PLEKHH2: variants seen among roughly 807,000 people sequenced by gnomAD.
PLEKHH2 encodes pleckstrin homology, MyTH4 and FERM domain containing H2, also known as pleckstrin homology domain-containing family H member 2.
Under a neutral mutation model 187.9 loss-of-function variants are expected in PLEKHH2, and 129 were observed. The ratio of observed to expected loss-of-function variants is 0.69; its 90% confidence interval spans 0.59 to 0.79. The LOEUF (loss-of-function observed/expected upper bound fraction) is 0.79. Ranked by LOEUF, PLEKHH2 falls within the 30% of genes least tolerant of loss-of-function variation. The probability of loss-of-function intolerance (pLI) is 0.00; values close to 1 mark genes in which losing one functional copy is unlikely to be tolerated. For synonymous variants in PLEKHH2, 686 were observed against 605.6 expected (o/e 1.13, Z -1.95); for missense variants, 2,076 against 1,751.2 (o/e 1.19, Z -3.31).
chr2:43,714,978 C>A (rs552023955), intron 15 of PLEKHH2, among the ~76,000 whole-genome samples: 2 of 152,014 alleles, frequency 1.3e-5, no homozygotes, highest in African/African-American at 2.4e-5. Context: ...TAGGAGACAG[C>A]GCGAATGAAG....
chr2:43,660,029 C>A (rs62138788), intron 2 of PLEKHH2, among the ~76,000 whole-genome samples: 12 of 152,052 alleles, frequency 7.9e-5, no homozygotes, highest in Non-Finnish European at 1.5e-4. Flanking sequence ...TTCCCTCCTG[C>A]GCCTTTATAG....
chr2:43,642,419 T>C (rs72790953), intron 1 of PLEKHH2, among the ~76,000 whole-genome samples: 3,010 of 152,280 alleles, frequency 0.02, 59 homozygotes, highest in South Asian at 0.052. Context: ...TAAGTAGAGA[T>C]AGTTTTATTT....
intron 2 of PLEKHH2, among the ~76,000 whole-genome samples, chr2:43,649,693 T>C (rs1666371746): frequency 6.6e-6 from 1 of 152,274 alleles, no homozygotes; most frequent in Admixed American, 6.5e-5. Context: ...CCGTATAGGC[T>C]AATTTAAATG....
intron 2 of PLEKHH2, among the ~76,000 whole-genome samples, chr2:43,668,639 A>G (rs1574502994): frequency 6.6e-6 from 1 of 152,188 alleles, no homozygotes; most frequent in African/African-American, 2.4e-5. Flanking sequence ...GGTTCTCTAA[A>G]GTACAATGAA....
At chr2:43,747,094 C>G (rs76869308) in intron 24 of PLEKHH2, among the ~76,000 whole-genome samples, 4 of 144,032 alleles carry the variant, frequency 2.8e-5, no homozygotes, top group African/African-American at 1.1e-4. Flanking sequence ...TTCTTTCTGT[C>G]TCTCTCTCTC....
intron 15 of PLEKHH2, among the ~76,000 whole-genome samples, chr2:43,713,940 C>G (rs1670089698): frequency 6.6e-6 from 1 of 152,080 alleles, no homozygotes; most frequent in African/African-American, 2.4e-5. Flanking sequence ...ACTTAATTCA[C>G]TATTGCATTA....
intron 25 of PLEKHH2, among the ~76,000 whole-genome samples, chr2:43,756,463 C>T (rs1672214797): frequency 6.6e-6 from 1 of 151,938 alleles, no homozygotes; most frequent in African/African-American, 2.4e-5. Flanking sequence ...CGTCTGTTGC[C>T]TTTTATTTTT....
chr2:43,678,593 G>T (rs906767321), intron 2 of PLEKHH2, among the ~76,000 whole-genome samples: 1 of 152,062 alleles, frequency 6.6e-6, no homozygotes, highest in Non-Finnish European at 1.5e-5. Context: ...GCCTGCAATC[G>T]CAGGCACTCG....
At chr2:43,703,935 T>TGG in intron 8 of PLEKHH2, 46 bp from the exon 9 acceptor site, 1 of 629,878 alleles carries the variant, frequency 1.6e-6, no homozygotes, top group Non-Finnish European at 2.5e-6. Flanking sequence ...TTTTTTTTTT[T>TGG]TTTTTTGCTT....
Position 43,742,811 on chromosome 2 carries a change from G to C in PLEKHH2, c.3292G>C (p.Glu1098Gln). ...AAGAACGCAACAAAATGGTGACAGA[G>C]AAGCAAGACCCTCAAGGATGGAAAT... ...VERTQQNGDR[E>Q]ARPSRMEILS... The change falls in exon 22 of 30, where the codon GAA (glutamate) becomes CAA (glutamine). Residue 1098 changes from glutamate (E) to glutamine (Q), a missense_variant. Physicochemically the swap from Glu to Gln is conservative, Grantham distance 29. Coordinates refer to ENST00000282406, the MANE Select transcript of PLEKHH2 (RefSeq NM_172069.4). 1 of 1,607,040 alleles carries C rather than the reference G, an allele frequency of 6.2e-7. No homozygotes were observed. Among genetic ancestry groups the C allele is most frequent in the South Asian group, 1.1e-5 (1 of 89,552 alleles).
At chr2:43,678,737 A>AGTTGAG in intron 2 of PLEKHH2, 126 bp from the exon 3 acceptor site, 1 of 412,116 alleles carries the variant, frequency 2.4e-6, no homozygotes, top group African/African-American at 2.8e-5. Flanking sequence ...TAGAGGTGGA[A>AGTTGAG]GTGGAGGTGG....
At chr2:43,678,072 G>A (rs560416139) in intron 2 of PLEKHH2, among the ~76,000 whole-genome samples, 1 of 151,252 alleles carries the variant, frequency 6.6e-6, no homozygotes, top group East Asian at 2.0e-4. Flanking sequence ...CTCCCAGACG[G>A]GGTCGCGGCC....
chr2:43,739,740 G>A (rs561434148), intron 20 of PLEKHH2, among the ~76,000 whole-genome samples: 9 of 152,316 alleles, frequency 5.9e-5, no homozygotes, highest in African/African-American at 2.2e-4. Context: ...GACAGTGAAT[G>A]AATAAATTCG....
chr2:43,672,262 T>A (rs1164134785), intron 2 of PLEKHH2, among the ~76,000 whole-genome samples: 1 of 152,238 alleles, frequency 6.6e-6, no homozygotes, highest in Admixed American at 6.5e-5. Context: ...TGTGTCTTTT[T>A]TCTTTTTTGC....
chr2:43,649,357 G>A (rs1327785178), intron 2 of PLEKHH2, among the ~76,000 whole-genome samples: 1 of 152,198 alleles, frequency 6.6e-6, no homozygotes, highest in African/African-American at 2.4e-5. Flanking sequence ...TCGGTGAAAA[G>A]GAAAGGGAGA....
intron 17 of PLEKHH2, among the ~76,000 whole-genome samples, chr2:43,726,821 T>C (rs1433143198): frequency 6.6e-6 from 1 of 152,212 alleles, no homozygotes; most frequent in Non-Finnish European, 1.5e-5. Flanking sequence ...ATTAATTATT[T>C]TATGTATTAT....
At chr2:43,667,582 G>A (rs949028345) in intron 2 of PLEKHH2, among the ~76,000 whole-genome samples, 6 of 152,166 alleles carry the variant, frequency 3.9e-5, no homozygotes, top group Non-Finnish European at 8.8e-5. Flanking sequence ...TGGTATATCC[G>A]TATAGTGGAA....
At chr2:43,648,175 GT>G (rs1210866600) in intron 2 of PLEKHH2, among the ~76,000 whole-genome samples, 5 of 151,792 alleles carry the variant, frequency 3.3e-5, no homozygotes, top group Middle Eastern at 3.4e-3. Flanking sequence ...TGTCTTTCTG[GT>G]TTTTTTTGTT....
chr2:43,755,152 C>T (rs999729708), intron 25 of PLEKHH2, among the ~76,000 whole-genome samples: 2 of 152,058 alleles, frequency 1.3e-5, no homozygotes, highest in African/African-American at 2.4e-5. Context: ...GGATTACAGG[C>T]GTGAGCCACC....
Sources: allele counts gnomAD v4.1 joint callset (sites outside exome capture counted in the v4.1 genomes callset), GRCh38; gene constraint gnomAD v4.1.1; transcripts MANE v1.5; gene names NCBI Gene and HGNC (gene_info 2026-07-23, HGNC 2026-07-21).